ERBIN: variants seen among roughly 807,000 people sequenced by gnomAD.
ERBIN encodes densin-180-like protein.
ERBIN carries 60 observed loss-of-function variants against 158.4 expected under a neutral mutation model. The ratio of observed to expected loss-of-function variants is 0.38; its 90% CI spans 0.31 to 0.47. The LOEUF is 0.47. ERBIN is among the 20% of genes least tolerant of loss of function. The pLI is 0.99. For missense variants in ERBIN, 1,610 were observed against 1,648.0 expected (o/e 0.98, Z 0.40); for synonymous variants, 594 against 557.2 (o/e 1.07, Z -0.93).
chr5:65,941,345 T>A (rs1342791372), intron 1 of ERBIN, among the ~76,000 whole-genome samples: 2 of 143,526 alleles, frequency 1.4e-5, no homozygotes, highest in South Asian at 2.2e-4. Flanking sequence ...ACAATACAAA[T>A]AACAACAATA....
chr5:65,980,505 T>C (rs1410558924), intron 1 of ERBIN, among the ~76,000 whole-genome samples: 1 of 152,136 alleles, frequency 6.6e-6, no homozygotes, highest in Non-Finnish European at 1.5e-5. Context: ...ACATAAAATA[T>C]GAAAGATCTA....
chr5:65,990,191 T>C (rs1751707857), intron 2 of ERBIN, among the ~76,000 whole-genome samples: 1 of 152,202 alleles, frequency 6.6e-6, no homozygotes, highest in African/African-American at 2.4e-5. Flanking sequence ...TTGAATTGTT[T>C]TAAGAACCTT....
chr5:66,037,977 C>T (rs1757550513), intron 14 of ERBIN, among the ~76,000 whole-genome samples: 1 of 152,004 alleles, frequency 6.6e-6, no homozygotes, highest in Non-Finnish European at 1.5e-5. Context: ...CTAACTGTTC[C>T]ACATTTTTTC....
At chr5:65,979,441 A>G (rs888160356) in intron 1 of ERBIN, among the ~76,000 whole-genome samples, 5 of 152,204 alleles carry the variant, frequency 3.3e-5, no homozygotes, top group African/African-American at 7.2e-5. Context: ...CCCGCAAACC[A>G]AATGAGTAAA....
chr5:66,011,287 C>T (rs1754168981), intron 4 of ERBIN, among the ~76,000 whole-genome samples: 1 of 152,154 alleles, frequency 6.6e-6, no homozygotes, highest in Non-Finnish European at 1.5e-5. Context: ...TCAGGCATAT[C>T]CACTGGCATA....
chr5:66,065,980 A>G (rs964493828), intron 21 of ERBIN, among the ~76,000 whole-genome samples: 1 of 152,148 alleles, frequency 6.6e-6, no homozygotes, highest in Non-Finnish European at 1.5e-5. Context: ...AATCCTTAAT[A>G]TTGAAGCATA....
chr5:65,996,561 C>T (rs978730653), intron 4 of ERBIN, among the ~76,000 whole-genome samples: 4 of 152,010 alleles, frequency 2.6e-5, no homozygotes, highest in Admixed American at 6.6e-5. Flanking sequence ...ATTGTGAAGT[C>T]GGGTGTGATG....
At chr5:66,046,331 C>T in intron 17 of ERBIN, 22 bp from the exon 18 acceptor site, 1 of 1,388,476 alleles carries the variant, frequency 7.2e-7, no homozygotes, top group Non-Finnish European at 9.7e-7. Flanking sequence ...AATATGAGCT[C>T]TTTATCTTTT....
intron 4 of ERBIN, among the ~76,000 whole-genome samples, chr5:66,009,978 T>C (rs1754032550): frequency 1.3e-5 from 2 of 152,186 alleles, no homozygotes; most frequent in Admixed American, 6.5e-5. Context: ...AGTTAAAAAT[T>C]CTGTGTTTAG....
chr5:66,029,434 T>A (rs1464261918), intron 14 of ERBIN, among the ~76,000 whole-genome samples: 1 of 152,196 alleles, frequency 6.6e-6, no homozygotes, highest in Non-Finnish European at 1.5e-5. Context: ...CGCAGCCAAA[T>A]TTTCTTGGGA....
rs563591856 is a variant in ERBIN, at chr5:66,053,644, T to G, written c.2326T>G (p.Phe776Val). Residue 776 changes from phenylalanine (F) to valine (V), a missense_variant, in exon 21 of 26, where the codon TTT (phenylalanine) becomes GTT (valine). Around this residue, in one of 2 missense-constraint regions of ERBIN, gnomAD observed 1,014 missense variants for 936.1 expected, o/e 1.08. Transcript: ENST00000284037. ...NLNKLITNDT[F>V]QPEIMERSKT... ...TAATAAACTTATAACTAATGATACA[T>G]TTCAACCAGAGATCATGGAAAGATC... The G allele has an allele frequency of 5.6e-6, 9 of 1,613,116 alleles. No homozygotes were observed. Among genetic ancestry groups the G allele is most frequent in the Admixed American group, 1.7e-5 (1 of 59,758 alleles).
chr5:65,964,678 T>C (rs562329464), intron 1 of ERBIN, among the ~76,000 whole-genome samples: 1 of 151,894 alleles, frequency 6.6e-6, no homozygotes, highest in Admixed American at 6.6e-5. Flanking sequence ...TTTCAGGTAC[T>C]GCAGACATTT....
chr5:65,994,021 C>G (rs1002272557), intron 3 of ERBIN, among the ~76,000 whole-genome samples: 6 of 152,022 alleles, frequency 3.9e-5, no homozygotes, highest in African/African-American at 7.2e-5. Context: ...ATGCAACAGG[C>G]TTTTTTCTGG....
chr5:66,058,741 G>C (rs1025927646), intron 21 of ERBIN, among the ~76,000 whole-genome samples: 1 of 148,776 alleles, frequency 6.7e-6, no homozygotes, highest in Non-Finnish European at 1.5e-5. Flanking sequence ...TCCAGTTTCA[G>C]CTTTCTCCAT....
rs191376945 is a variant in ERBIN, at chr5:65,934,734, C to T, written c.-58+7928C>T. Among the ~76,000 whole-genome samples the T allele has an allele frequency of 1.6e-3, 243 of 152,200 alleles. 2 individuals are homozygous for T. Among genetic ancestry groups the T allele is most frequent in the Non-Finnish European group, 2.7e-3 (183 of 68,014 alleles). On this transcript the variant is annotated intron_variant, in intron 1 of 25. Coordinates refer to ENST00000284037, the MANE Select transcript of ERBIN (RefSeq NM_001253697.2). The stretch of plus-strand genomic sequence containing the variant: ...CTGTTTGTAATTAACTAATATTTTG[C>T]GGTAGGTGCTTTGAAACTATGTAAA...
At chr5:65,999,516 T>C (rs1242708048) in intron 4 of ERBIN, among the ~76,000 whole-genome samples, 1 of 152,152 alleles carries the variant, frequency 6.6e-6, no homozygotes, top group Non-Finnish European at 1.5e-5. Context: ...CTTGAGAAAT[T>C]TAACATCACA....
intron 4 of ERBIN, among the ~76,000 whole-genome samples, chr5:66,006,835 A>G (rs1235689992): frequency 5.9e-5 from 9 of 152,070 alleles, no homozygotes; most frequent in Admixed American, 5.2e-4. Context: ...CAAAACCACA[A>G]TGAGATACCA....
intron 1 of ERBIN, among the ~76,000 whole-genome samples, chr5:65,961,584 C>T (rs903189261): frequency 6.6e-6 from 1 of 152,118 alleles, no homozygotes; most frequent in Non-Finnish European, 1.5e-5. Context: ...TTAACATTAG[C>T]TAGCAGTTAA....
At chr5:66,033,681 T>G (rs1757113784) in intron 14 of ERBIN, among the ~76,000 whole-genome samples, 1 of 152,186 alleles carries the variant, frequency 6.6e-6, no homozygotes, top group Non-Finnish European at 1.5e-5. Context: ...GATTACTCTT[T>G]AAGAAGGTTG....
Sources: allele counts gnomAD v4.1 joint callset (sites outside exome capture counted in the v4.1 genomes callset), GRCh38; gene constraint gnomAD v4.1.1; regional missense constraint gnomAD v4.1.1; transcripts MANE v1.5; gene names NCBI Gene and HGNC (gene_info 2026-07-23, HGNC 2026-07-21).